The following KCNIP4 variants were observed in gnomAD, a reference collection of about 807,000 sequenced individuals.
KCNIP4 encodes the protein Kv channel-interacting protein 4.
A neutral mutation model predicts 34.0 loss-of-function variants in KCNIP4; 12 were observed. The ratio of observed to expected loss-of-function variants is 0.35; its 90% CI spans 0.23 to 0.57. KCNIP4 has a LOEUF of 0.57. KCNIP4 is among the 20% of genes least tolerant of loss of function. KCNIP4 has a pLI of 0.83. For synonymous variants in KCNIP4, 124 were observed against 102.2 expected, an observed-to-expected ratio of 1.21 and a Z score of -1.29; for missense variants, 238 against 311.7, an observed-to-expected ratio of 0.76 and a Z score of 1.78.
chr4:20,979,925 C>T lies in KCNIP4; in HGVS notation c.62-97216G>A, dbSNP rs1007219639. 5.3e-5 allele frequency among the ~76,000 whole-genome samples: 8 copies of T among 152,280 alleles called. No homozygotes were observed. The East Asian group carries it at 9.7e-4, about 18-fold the overall frequency. On this transcript the variant is annotated intron_variant, in intron 1 of 8. Coordinates refer to ENST00000382152, the MANE Select transcript of KCNIP4 (RefSeq NM_025221.6). Reference sequence around the variant, plus strand: ...TGTGCAACGAGCCATATCCAATTCACGGTCCTAATCCATGCAAGCCACCCA... The same window carrying T: ...TGTGCAACGAGCCATATCCAATTCATGGTCCTAATCCATGCAAGCCACCCA...
intron 1 of KCNIP4, among the ~76,000 whole-genome samples, chr4:21,656,097 C>T (rs963089026): frequency 1.3e-5 from 2 of 152,210 alleles, no homozygotes; most frequent in Admixed American, 1.3e-4. Context: ...AAGATCAAAG[C>T]ATCAGCAGGG....
intron 1 of KCNIP4, among the ~76,000 whole-genome samples, chr4:21,570,218 A>G (rs906541848): frequency 5.9e-5 from 9 of 152,176 alleles, no homozygotes; most frequent in Admixed American, 3.3e-4. Flanking sequence ...TTCTCAGAAA[A>G]GAGTAGGTGG....
Position 21,714,097 on chromosome 4 carries a change from T to C in KCNIP4, c.61+234474A>G, listed in dbSNP as rs80288434. 4.9e-4 allele frequency among the ~76,000 whole-genome samples: 74 copies of C among 152,330 alleles called. No individual in the cohort carries two copies. In the East Asian group the frequency reaches 0.013, roughly 27 times the overall value. ...GGAAACCTAAGGAATAAGTTTAATA[T>C]ACTCCAAAAATATAGTCTAGTGCAG... On this transcript the variant is annotated intron_variant, in intron 1 of 8. Transcript: ENST00000382152.
chr4:21,080,544 A>T (rs1745912810), intron 1 of KCNIP4, among the ~76,000 whole-genome samples: 1 of 151,790 alleles, frequency 6.6e-6, no homozygotes, highest in African/African-American at 2.4e-5. Context: ...AATCAGTTCA[A>T]ATGCCAATTC....
intron 1 of KCNIP4, among the ~76,000 whole-genome samples, chr4:21,919,356 T>G (rs1348899056): frequency 1.3e-5 from 2 of 152,182 alleles, no homozygotes; most frequent in African/African-American, 4.8e-5. Context: ...GATCTTGGAT[T>G]CGAAGATAGA....
intron 1 of KCNIP4, among the ~76,000 whole-genome samples, chr4:21,094,529 T>C (rs768696889): frequency 3.5e-4 from 53 of 152,252 alleles, no homozygotes; most frequent in Non-Finnish European, 4.7e-4. Flanking sequence ...AGTGAGAACA[T>C]TGTCAATAAG....
intron 1 of KCNIP4, among the ~76,000 whole-genome samples, chr4:21,057,533 AT>A (rs1454329485): frequency 2.0e-5 from 3 of 152,110 alleles, no homozygotes; most frequent in Non-Finnish European, 4.4e-5. Flanking sequence ...ACTTAAATTC[AT>A]TTTTTATAAA....
At chr4:21,765,123 A>T (rs899317870) in intron 1 of KCNIP4, among the ~76,000 whole-genome samples, 1 of 151,290 alleles carries the variant, frequency 6.6e-6, no homozygotes, top group African/African-American at 2.4e-5. Context: ...GGGAAGTGCA[A>T]TGGCTTTTTG....
intron 1 of KCNIP4, among the ~76,000 whole-genome samples, chr4:20,962,542 G>T (rs1733948555): frequency 6.6e-6 from 1 of 152,172 alleles, no homozygotes. Flanking sequence ...AAGAGATGTT[G>T]TCAGGTATAC....
intron 2 of KCNIP4, among the ~76,000 whole-genome samples, chr4:20,864,004 A>G (rs1401666097): frequency 6.6e-6 from 1 of 150,434 alleles, no homozygotes; most frequent in Non-Finnish European, 1.5e-5. Flanking sequence ...ATATACGTAC[A>G]TGTAAATGTG....
At chr4:21,814,649 G>A (rs1004799283) in intron 1 of KCNIP4, among the ~76,000 whole-genome samples, 3 of 152,106 alleles carry the variant, frequency 2.0e-5, no homozygotes, top group Admixed American at 6.6e-5. Flanking sequence ...AGGCATCAAA[G>A]GAACTGGCTG....
chr4:21,525,593 T>A (rs1342344873), intron 1 of KCNIP4, among the ~76,000 whole-genome samples: 1 of 151,902 alleles, frequency 6.6e-6, no homozygotes, highest in African/African-American at 2.4e-5. Flanking sequence ...GAATCTGTAA[T>A]GACATTTGTT....
chr4:21,437,705 C>A (rs763578503), intron 1 of KCNIP4, among the ~76,000 whole-genome samples: 1 of 152,146 alleles, frequency 6.6e-6, no homozygotes, highest in South Asian at 2.1e-4. Flanking sequence ...ACTAAATACG[C>A]AGTGATAGTG....
chr4:21,060,340 A>G (rs1743802986), intron 1 of KCNIP4, among the ~76,000 whole-genome samples: 1 of 152,130 alleles, frequency 6.6e-6, no homozygotes, highest in South Asian at 2.1e-4. Context: ...AGTAGATAAT[A>G]TCTTGCGGTT....
chr4:21,348,052 T>C (rs954060763), intron 1 of KCNIP4, among the ~76,000 whole-genome samples: 1 of 152,178 alleles, frequency 6.6e-6, no homozygotes, highest in Non-Finnish European at 1.5e-5. Flanking sequence ...GAAAATGCTT[T>C]CATCCACACA....
At chr4:21,192,900 C>T (rs1293678288) in intron 1 of KCNIP4, among the ~76,000 whole-genome samples, 1 of 147,122 alleles carries the variant, frequency 6.8e-6, no homozygotes, top group African/African-American at 2.6e-5. Flanking sequence ...CACCCCCCAG[C>T]CCTGCCGCCC....
intron 1 of KCNIP4, among the ~76,000 whole-genome samples, chr4:21,581,705 A>C (rs1741211142): frequency 6.6e-6 from 1 of 151,960 alleles, no homozygotes. Context: ...TAGCATTATT[A>C]TTTATATTAT....
chr4:21,558,664 G>T (rs1267185572), intron 1 of KCNIP4, among the ~76,000 whole-genome samples: 1 of 151,976 alleles, frequency 6.6e-6, no homozygotes, highest in East Asian at 1.9e-4. Context: ...ATGTCCAAAG[G>T]CTAAGGCTAT....
At chr4:21,027,919 A>T (rs1291187870) in intron 1 of KCNIP4, among the ~76,000 whole-genome samples, 1 of 152,166 alleles carries the variant, frequency 6.6e-6, no homozygotes, top group East Asian at 1.9e-4. Flanking sequence ...CTGAACCTCT[A>T]AAATTCCAGA....
Sources: allele counts gnomAD v4.1 joint callset (sites outside exome capture counted in the v4.1 genomes callset), GRCh38; gene constraint gnomAD v4.1.1; transcripts MANE v1.5; gene names NCBI Gene and HGNC (gene_info 2026-07-23, HGNC 2026-07-21).